KHDRBS3: variants seen among roughly 807,000 people sequenced by gnomAD.
KHDRBS3 encodes the protein KH domain-containing, RNA-binding, signal transduction-associated protein 3.
Under a neutral mutation model 45.6 loss-of-function variants are expected in KHDRBS3, and 23 were observed. The ratio of observed to expected loss-of-function variants is 0.50; its 90% confidence interval spans 0.36 to 0.72. The LOEUF is 0.72. KHDRBS3 is among the 30% of genes least tolerant of loss of function. The pLI, the probability that KHDRBS3 is intolerant of heterozygous loss-of-function variation, is 0.00. For synonymous variants in KHDRBS3, 162 were observed against 156.5 expected, an observed-to-expected ratio of 1.04 and a Z score of -0.26; for missense variants, 352 against 424.8, an observed-to-expected ratio of 0.83 and a Z score of 1.51.
At chr8:135,522,529 T>C (rs1004557188) in intron 2 of KHDRBS3, among the ~76,000 whole-genome samples, 6 of 152,216 alleles carry the variant, frequency 3.9e-5, no homozygotes, top group Admixed American at 1.3e-4. Context: ...CCACAAACAA[T>C]GTGTGCAGGC....
intron 1 of KHDRBS3, among the ~76,000 whole-genome samples, chr8:135,507,639 C>T (rs1047563484): frequency 6.6e-6 from 1 of 152,108 alleles, no homozygotes; most frequent in Admixed American, 6.5e-5. Flanking sequence ...AAGGAAACCC[C>T]CAGTGGGAAT....
At chr8:135,496,473 C>T (rs1420419247) in intron 1 of KHDRBS3, among the ~76,000 whole-genome samples, 4 of 151,812 alleles carry the variant, frequency 2.6e-5, no homozygotes, top group Non-Finnish European at 5.9e-5. Flanking sequence ...CCTCAGGTGA[C>T]CCTCCCGCCT....
At chr8:135,490,824 A>G (rs958997809) in intron 1 of KHDRBS3, among the ~76,000 whole-genome samples, 8 of 152,206 alleles carry the variant, frequency 5.3e-5, no homozygotes, top group South Asian at 2.1e-4. Flanking sequence ...AGTGGGCAGC[A>G]TGCTGATAAA....
chr8:135,577,046 C>G (rs535431971), intron 5 of KHDRBS3, among the ~76,000 whole-genome samples: 1 of 152,002 alleles, frequency 6.6e-6, no homozygotes, highest in East Asian at 1.9e-4. Context: ...AATGGTTAAC[C>G]TGTACTTACA....
At chr8:135,553,648 G>A (rs1173418747) in intron 4 of KHDRBS3, among the ~76,000 whole-genome samples, 1 of 152,172 alleles carries the variant, frequency 6.6e-6, no homozygotes, top group East Asian at 1.9e-4. Context: ...TATAGCTGAA[G>A]AGTAAATTCC....
intron 1 of KHDRBS3, among the ~76,000 whole-genome samples, chr8:135,493,766 T>C (rs1016156261): frequency 6.6e-6 from 1 of 152,196 alleles, no homozygotes; most frequent in African/African-American, 2.4e-5. Flanking sequence ...GTAAAACTTT[T>C]GTGATTTTGG....
Position 135,515,983 on chromosome 8 carries a change from G to T in KHDRBS3, c.89-5254G>T, listed in dbSNP as rs1217543218. 2.0e-5 allele frequency among the ~76,000 whole-genome samples: 3 copies of T among 152,230 alleles called. No homozygotes were observed. In the East Asian group the frequency reaches 5.8e-4, roughly 29 times the overall value. On this transcript the variant is annotated intron_variant, in intron 1 of 8. Coordinates refer to ENST00000355849, the MANE Select transcript of KHDRBS3 (RefSeq NM_006558.3). ...AGATGATTTTGTTGTTGTGGACCAT[G>T]ATAGATTGCACTTAAACATACCTGG... is the stretch of plus-strand genomic sequence containing the variant.
At chr8:135,500,832 G>A (rs1038042130) in intron 1 of KHDRBS3, among the ~76,000 whole-genome samples, 2 of 152,174 alleles carry the variant, frequency 1.3e-5, no homozygotes, top group African/African-American at 2.4e-5. Flanking sequence ...AAGTAGTATA[G>A]GGTGAATGCT....
chr8:135,469,814 A>G (rs1332819020), intron 1 of KHDRBS3, among the ~76,000 whole-genome samples: 2 of 152,140 alleles, frequency 1.3e-5, no homozygotes, highest in Non-Finnish European at 2.9e-5. Flanking sequence ...GGCGTGAGCC[A>G]CCGCGCCCGG....
At chr8:135,554,576 G>A (rs1309469077) in intron 4 of KHDRBS3, among the ~76,000 whole-genome samples, 2 of 152,010 alleles carry the variant, frequency 1.3e-5, no homozygotes, top group East Asian at 1.9e-4. Context: ...AAATAAGTCA[G>A]GGAAATAATT....
chr8:135,489,369 A>T (rs1823026665), intron 1 of KHDRBS3, among the ~76,000 whole-genome samples: 1 of 152,162 alleles, frequency 6.6e-6, no homozygotes, highest in Non-Finnish European at 1.5e-5. Context: ...CTAGTTTTTA[A>T]CAAAAATAGT....
chr8:135,485,868 A>ATATATATATATATATATATATATATATT (rs1563713994), intron 1 of KHDRBS3, among the ~76,000 whole-genome samples: 19 of 141,204 alleles, frequency 1.3e-4, no homozygotes, highest in South Asian at 2.2e-4. Context: ...ATATATATAT[A>ATATATATATATATATATATATATATATT]TTTTATTTTT....
At chr8:135,531,876 G>A (rs1203781472) in intron 2 of KHDRBS3, among the ~76,000 whole-genome samples, 2 of 152,132 alleles carry the variant, frequency 1.3e-5, no homozygotes, top group African/African-American at 4.8e-5. Context: ...CTTGGGCATG[G>A]AATTGTATAT....
chr8:135,489,357 T>A (rs117216084), intron 1 of KHDRBS3, among the ~76,000 whole-genome samples: 1 of 152,280 alleles, frequency 6.6e-6, no homozygotes, highest in Non-Finnish European at 1.5e-5. Context: ...TGTGTATTTG[T>A]ACTAGTTTTT....
intron 7 of KHDRBS3, among the ~76,000 whole-genome samples, chr8:135,644,090 A>G (rs1235450881): frequency 6.6e-6 from 1 of 152,236 alleles, no homozygotes; most frequent in African/African-American, 2.4e-5. Flanking sequence ...GAAAGAGGAA[A>G]GCCTGAGAGG....
chr8:135,563,849 T>C (rs958416772), intron 5 of KHDRBS3, among the ~76,000 whole-genome samples: 1 of 152,244 alleles, frequency 6.6e-6, no homozygotes, highest in Non-Finnish European at 1.5e-5. Flanking sequence ...ACCTTTGCTC[T>C]GGCTCTTCTG....
intron 7 of KHDRBS3, among the ~76,000 whole-genome samples, chr8:135,626,996 G>C (rs1830402195): frequency 6.6e-6 from 1 of 152,050 alleles, no homozygotes; most frequent in South Asian, 2.1e-4. Flanking sequence ...GCCGTTTTCT[G>C]TTAAAATAAG....
intron 1 of KHDRBS3, among the ~76,000 whole-genome samples, chr8:135,507,453 C>A (rs1824060619): frequency 6.6e-6 from 1 of 152,120 alleles, no homozygotes; most frequent in South Asian, 2.1e-4. Flanking sequence ...CAAGTGGAAC[C>A]CTCTAGAATG....
chr8:135,522,545 C>A (rs114809374), intron 2 of KHDRBS3, among the ~76,000 whole-genome samples: 17 of 152,316 alleles, frequency 1.1e-4, no homozygotes, highest in African/African-American at 4.1e-4. Flanking sequence ...CAGGCTGTAG[C>A]TGCCTCATAC....
Sources: allele counts gnomAD v4.1 joint callset (sites outside exome capture counted in the v4.1 genomes callset), GRCh38; gene constraint gnomAD v4.1.1; transcripts MANE v1.5; gene names NCBI Gene and HGNC (gene_info 2026-07-23, HGNC 2026-07-21).